FBXW7: variants seen among roughly 807,000 people sequenced by gnomAD.
FBXW7 encodes F-box and WD repeat domain containing 7.
In FBXW7, 11 loss-of-function variants were observed where a neutral mutation model predicts 86.3. That is an observed-to-expected ratio of 0.13 (90% confidence interval 0.08 to 0.21). The LOEUF is 0.21. Ranked by LOEUF, FBXW7 falls within the 10% of genes least tolerant of loss-of-function variation. The probability of loss-of-function intolerance (pLI) is 1.00; values close to 1 mark genes in which losing one functional copy is unlikely to be tolerated. For synonymous variants in FBXW7, 313 were observed against 297.9 expected, an observed-to-expected ratio of 1.05 and a Z score of -0.52; for missense variants, 488 against 847.4, an observed-to-expected ratio of 0.58 and a Z score of 5.27.
chr4:152,426,974 A>G (rs939180897), intron 2 of FBXW7, among the ~76,000 whole-genome samples: 3 of 152,252 alleles, frequency 2.0e-5, no homozygotes, highest in Non-Finnish European at 4.4e-5. Context: ...TAGAAAAAAC[A>G]TTTACATTAA....
chr4:152,377,820 C>A (rs1202907022), intron 4 of FBXW7, among the ~76,000 whole-genome samples: 2 of 149,270 alleles, frequency 1.3e-5, no homozygotes, highest in African/African-American at 2.5e-5. Flanking sequence ...CCCACAAACA[C>A]AAAGGAACTA....
intron 2 of FBXW7, among the ~76,000 whole-genome samples, chr4:152,488,032 T>C (rs80212225): frequency 0.014 from 2,077 of 152,188 alleles, 25 homozygotes; most frequent in Middle Eastern, 0.037. Flanking sequence ...GCCATCCAAG[T>C]GGCATTACAT....
intron 2 of FBXW7, among the ~76,000 whole-genome samples, chr4:152,431,897 T>C (rs1220202620): frequency 1.3e-5 from 2 of 152,172 alleles, no homozygotes; most frequent in African/African-American, 4.8e-5. Flanking sequence ...TCTAAAATGA[T>C]TGTGAGGCAG....
intron 2 of FBXW7, among the ~76,000 whole-genome samples, chr4:152,443,160 G>A (rs1483030326): frequency 6.6e-6 from 1 of 152,176 alleles, no homozygotes; most frequent in Non-Finnish European, 1.5e-5. Flanking sequence ...TACTCGGGAG[G>A]CAGAGGCCGG....
At chr4:152,527,660 T>G (rs1749638921) in intron 2 of FBXW7, among the ~76,000 whole-genome samples, 1 of 151,894 alleles carries the variant, frequency 6.6e-6, no homozygotes, top group South Asian at 2.1e-4. Flanking sequence ...TAGTCCCAGC[T>G]ACTCAGCTAC....
At chr4:152,453,795 A>T (rs991167920) in intron 2 of FBXW7, among the ~76,000 whole-genome samples, 1 of 152,222 alleles carries the variant, frequency 6.6e-6, no homozygotes, top group African/African-American at 2.4e-5. Flanking sequence ...TTCTAAAAGA[A>T]AAAATATTTT....
intron 2 of FBXW7, among the ~76,000 whole-genome samples, chr4:152,421,974 G>A (rs566128060): frequency 1.3e-5 from 2 of 152,172 alleles, no homozygotes; most frequent in East Asian, 3.9e-4. Context: ...GAAAAAGATT[G>A]AAATATTGCC....
Position 152,535,551 on chromosome 4 carries a change from G to A in FBXW7, c.-637C>T, listed in dbSNP as rs1195625800. ...CCCCGGTTCATACACTCCGGGGCAA[G>A]ATGCTACGGCCCCGGGCGGGTGGCC... On this transcript the variant is annotated 5_prime_UTR_variant, in exon 1 of 14. Transcript: ENST00000281708. The A allele has an allele frequency of 1.8e-5, 7 of 396,348 alleles. No homozygotes were observed. The highest frequency in any genetic ancestry group is 4.4e-5 in the Admixed American group (1 of 22,632). 24.6% of individuals were successfully genotyped at this position (396,348 alleles called of 1,614,324 possible). A position where few individuals can be genotyped will look rare whatever the true frequency, so the allele number is the denominator to read the frequency against.
rs558207739 is a variant in FBXW7 at position 152,436,112 on chromosome 4, C to T, written c.-119-23583G>A. Among the ~76,000 whole-genome samples, 4 of 152,086 alleles carry T rather than the reference C, an allele frequency of 2.6e-5. No homozygotes were observed. In the East Asian group the frequency reaches 7.7e-4, roughly 29 times the overall value. ...AATCCTAAAATGGCCTCTAAGCATT[C>T]AGGCAAAAAGGAAGAGTCTCACTTT... On this transcript the variant is annotated intron_variant, in intron 2 of 13. Transcript: ENST00000281708.
Position 152,411,786 on chromosome 4 carries a change from G to GAGC in FBXW7, c.15_17dup (p.Leu6dup). 6.2e-7 allele frequency: 1 copy of GAGC among 1,611,058 alleles called. No homozygotes were observed. Among genetic ancestry groups the GAGC allele is most frequent in the Non-Finnish European group, 8.5e-7 (1 of 1,178,414 alleles). ...TTCGTCGTCTTTTGCTGCCCACAGA[G>GAGC]AGCAGTTCCTGATTCATTTCCAAAA... On this transcript the variant is annotated inframe_insertion, in exon 4 of 14. Coordinates refer to ENST00000281708, the MANE Select transcript of FBXW7 (RefSeq NM_001349798.2).
chr4:152,396,080 T>C (rs562470520), intron 4 of FBXW7, among the ~76,000 whole-genome samples: 1 of 151,974 alleles, frequency 6.6e-6, no homozygotes, highest in Non-Finnish European at 1.5e-5. Flanking sequence ...CTGGACCCTA[T>C]GGTCCAGAGG....
intron 2 of FBXW7, among the ~76,000 whole-genome samples, chr4:152,524,160 A>T (rs982657178): frequency 4.6e-5 from 7 of 152,216 alleles, no homozygotes; most frequent in African/African-American, 1.4e-4. Context: ...TAATTACTCT[A>T]TAAGGGAAAC....
chr4:152,486,127 T>TA (rs1375394997), intron 2 of FBXW7, among the ~76,000 whole-genome samples: 2 of 152,112 alleles, frequency 1.3e-5, no homozygotes, highest in African/African-American at 4.8e-5. Context: ...AAAGATTTTT[T>TA]AAAATCATAT....
chr4:152,486,881 C>T (rs1035058352), intron 2 of FBXW7, among the ~76,000 whole-genome samples: 2 of 152,080 alleles, frequency 1.3e-5, no homozygotes, highest in African/African-American at 4.8e-5. Flanking sequence ...AACATCACTA[C>T]AAACATGTAA....
chr4:152,369,755 G>C (rs977669352), intron 4 of FBXW7, among the ~76,000 whole-genome samples: 2 of 151,720 alleles, frequency 1.3e-5, no homozygotes, highest in African/African-American at 4.8e-5. Flanking sequence ...CACTGATCTT[G>C]GTATTTTCCG....
intron 2 of FBXW7, among the ~76,000 whole-genome samples, chr4:152,432,769 G>A (rs1320421848): frequency 1.3e-5 from 2 of 152,140 alleles, no homozygotes; most frequent in Non-Finnish European, 2.9e-5. Context: ...ACGAGATCGC[G>A]ACACTGCACT....
chr4:152,532,145 A>C (rs753614827), intron 2 of FBXW7, among the ~76,000 whole-genome samples: 2 of 152,222 alleles, frequency 1.3e-5, no homozygotes, highest in Admixed American at 1.3e-4. Flanking sequence ...TTACCTGCTA[A>C]ACTATTTTGC....
At chr4:152,508,277 T>C (rs2149710347) in intron 2 of FBXW7, among the ~76,000 whole-genome samples, 1 of 152,234 alleles carries the variant, frequency 6.6e-6, no homozygotes, top group South Asian at 2.1e-4. Flanking sequence ...TCCATTCTGA[T>C]ATACATAAAA....
rs1390199479 is a variant in FBXW7, at chr4:152,382,431, T to C, written c.501+28872A>G. ...CTAAATTTTAAAAATATATATTTAA[T>C]AATAGTTTTTAAAAGGCTGAGAACC... On this transcript the variant is annotated intron_variant, in intron 4 of 13. Transcript: ENST00000281708. 3.2e-6 allele frequency: 4 copies of C among 1,244,446 alleles called. No individual in the cohort carries two copies. The African/African-American group carries it at 6.2e-5, about 19-fold the overall frequency. 77.1% of individuals were successfully genotyped at this position (1,244,446 alleles called of 1,614,324 possible).
Sources: gnomAD v4.1 joint callset for allele counts (sites outside exome capture counted in the v4.1 genomes callset) on GRCh38, gnomAD v4.1.1 for gene constraint, MANE v1.5 for transcripts, NCBI Gene and HGNC (gene_info 2026-07-23, HGNC 2026-07-21) for gene names.